ZBTB32: variants seen among roughly 807,000 people sequenced by gnomAD.
The protein encoded by ZBTB32 is zinc finger and BTB domain containing 32.
A neutral mutation model predicts 45.3 loss-of-function variants in ZBTB32; 28 were observed. The observed-to-expected ratio is 0.62, with a 90% CI of 0.46 to 0.85. ZBTB32 has a LOEUF of 0.85. ZBTB32 is among the 40% of genes least tolerant of loss of function. The pLI is 0.00. For missense variants in ZBTB32, 587 were observed against 624.4 expected (o/e 0.94, Z 0.64); for synonymous variants, 283 against 255.7 (o/e 1.11, Z -1.02).
chr19:35,710,135 G>A (rs1267235460), intron 1 of ZBTB32, among the ~76,000 whole-genome samples: 4 of 150,166 alleles, frequency 2.7e-5, no homozygotes, highest in East Asian at 2.0e-4. Flanking sequence ...TGCTTGAACC[G>A]GGAGGCGGAG....
chr19:35,714,731 A>G lies in ZBTB32; in HGVS notation c.105A>G (p.Val35=). ...CACTCTGTGATACTCTGATCACCGT[A>G]GGGAGCCAGGAGTTCCCCGCCCACA... ...RPALCDTLIT[V]GSQEFPAHSL... is the part of the protein sequence containing the mutation. The change falls in exon 3 of 7, where the codon GTA becomes GTG. Residue 35 remains valine (V), a synonymous_variant. Coordinates refer to ENST00000392197, the MANE Select transcript of ZBTB32 (RefSeq NM_014383.3). 1.2e-6 allele frequency: 2 copies of G among 1,614,082 alleles called. No individual in the cohort carries two copies. The highest frequency in any genetic ancestry group is 1.7e-6 in the Non-Finnish European group (2 of 1,180,014).
rs779952828 is a variant in ZBTB32 at position 35,715,274 on chromosome 19, G to A, written c.648G>A (p.Arg216=). 1.9e-6 allele frequency: 3 copies of A among 1,584,648 alleles called. No homozygotes were observed. Among genetic ancestry groups the A allele is most frequent in the Non-Finnish European group, 8.6e-7 (1 of 1,167,316 alleles). ...AGCATGGAGTGCTCACGTGGTTGAG[G>A]GAAAATCCAGGGGGCTCTGAGGAAA... ...DGKHGVLTWL[R]ENPGGSEESL... is the part of the protein sequence containing the mutation. The change falls in exon 3 of 7, where the codon AGG becomes AGA. Residue 216 remains arginine (R), a synonymous_variant. Coordinates refer to ENST00000392197, the MANE Select transcript of ZBTB32 (RefSeq NM_014383.3).
intron 1 of ZBTB32, among the ~76,000 whole-genome samples, chr19:35,708,549 G>A (rs572302181): frequency 1.3e-5 from 2 of 152,334 alleles, no homozygotes; most frequent in African/African-American, 4.8e-5. Context: ...TATGAGTGCT[G>A]AAGAGAAGGG....
Position 35,714,878 on chromosome 19 carries a change from G to C in ZBTB32, c.252G>C (p.Glu84Asp). ...LLNFVYGESV[E>D]LQPGELRPLQ... is the part of the protein sequence containing the mutation. ...ACTTTGTGTATGGGGAGAGTGTAGA[G>C]CTGCAGCCTGGAGAGCTAAGGCCCC... The change falls in exon 3 of 7, where the codon GAG becomes GAC. Residue 84 changes from glutamate to aspartate, a missense_variant. Transcript: ENST00000392197. 1 of 1,589,970 alleles carries C rather than the reference G, an allele frequency of 6.3e-7. No individual in the cohort carries two copies. Among genetic ancestry groups the C allele is most frequent in the Non-Finnish European group, 8.6e-7 (1 of 1,167,028 alleles).
Position 35,714,914 on chromosome 19 carries a change from G to C in ZBTB32, c.288G>C (p.Ala96=), listed in dbSNP as rs755616824. The C allele has an allele frequency of 1.3e-6, 2 of 1,583,100 alleles. No homozygotes were observed. The highest frequency in any genetic ancestry group is 3.6e-5 in the Admixed American group (2 of 55,868). The change falls in exon 3 of 7, where the codon GCG becomes GCC. Residue 96 remains alanine, a synonymous_variant. Coordinates refer to ENST00000392197, the MANE Select transcript of ZBTB32 (RefSeq NM_014383.3). ...QPGELRPLQE[A]ARALGVQSLE... ...GAGAGCTAAGGCCCCTTCAGGAGGCGGCCAGGGCCTTGGGAGTGCAGTCCC... is the reference window on the plus strand; with the variant it reads ...GAGAGCTAAGGCCCCTTCAGGAGGCCGCCAGGGCCTTGGGAGTGCAGTCCC...
Position 35,715,221 on chromosome 19 carries a change from C to T in ZBTB32, c.595C>T (p.Pro199Ser), listed in dbSNP as rs1339540903. 1.2e-6 allele frequency: 2 copies of T among 1,606,052 alleles called. No homozygotes were observed. The highest frequency in any genetic ancestry group is 1.7e-6 in the Non-Finnish European group (2 of 1,177,848). ...GTCAAAGGAGAAACGCCTCCAAGCC[C>T]CTGTTGGCCAAAGGGGAGCAGATGG... ...TRSKEKRLQAPVGQRGADGKH... is the reference protein window; with the variant it reads ...TRSKEKRLQASVGQRGADGKH... The change falls in exon 3 of 7, where the codon CCT becomes TCT. Residue 199 changes from proline (P) to serine (S), a missense_variant. By Grantham distance (74) the Pro-to-Ser change is moderately conservative. Transcript: ENST00000392197.
chr19:35,711,470 C>T (rs1344606403), intron 1 of ZBTB32, among the ~76,000 whole-genome samples: 4 of 152,304 alleles, frequency 2.6e-5, no homozygotes, highest in Non-Finnish European at 2.9e-5. Flanking sequence ...ACAGCTCTCA[C>T]ATTTGCATTT....
At chr19:35,715,691 C>T in intron 3 of ZBTB32, 66 bp from the exon 4 acceptor site, 1 of 1,530,488 alleles carries the variant, frequency 6.5e-7, no homozygotes, top group Non-Finnish European at 8.8e-7. Context: ...GGGATACCCC[C>T]TCTTCACGAA....
At chr19:35,706,390 G>A (rs1453629581) in intron 1 of ZBTB32, among the ~76,000 whole-genome samples, 2 of 150,700 alleles carry the variant, frequency 1.3e-5, no homozygotes, top group South Asian at 2.1e-4. Context: ...GTGGAGCACA[G>A]GAAGAGGTGT....
chr19:35,711,349 T>C (rs922754702), intron 1 of ZBTB32, among the ~76,000 whole-genome samples: 1 of 152,194 alleles, frequency 6.6e-6, no homozygotes. Context: ...TCTGCGTACA[T>C]ACATATCAGA....
intron 1 of ZBTB32, among the ~76,000 whole-genome samples, 165 bp downstream of exon 1, chr19:35,704,788 C>T (rs1457492514): frequency 5.9e-5 from 9 of 152,246 alleles, no homozygotes; most frequent in Non-Finnish European, 1.0e-4. Context: ...GGAAATGCAG[C>T]CTCCTGGCCA....
rs2234374 is a variant in ZBTB32 at position 35,716,200 on chromosome 19, G to A, written c.1092G>A (p.Pro364=). The change falls in exon 6 of 7, where the codon CCG becomes CCA. Residue 364 remains proline (P), a synonymous_variant. Coordinates refer to ENST00000392197, the MANE Select transcript of ZBTB32 (RefSeq NM_014383.3). ...GCCCACCTCGCCCGCACCCTCCCCCGGCCCCTCCTGCTCGGTCTCGGCCCT... is the reference window on the plus strand; with the variant it reads ...GCCCACCTCGCCCGCACCCTCCCCCAGCCCCTCCTGCTCGGTCTCGGCCCT... ...AGCPPRPHPP[P]APPARSRPYA... 8,589 of 1,613,646 alleles carry A rather than the reference G, an allele frequency of 5.3e-3. 31 individuals carry two copies. The highest frequency in any genetic ancestry group is 6.5e-3 in the Non-Finnish European group (7,649 of 1,179,872).
At chr19:35,712,156 G>C (rs190126513) in intron 1 of ZBTB32, among the ~76,000 whole-genome samples, 290 of 151,852 alleles carry the variant, frequency 1.9e-3, no homozygotes, top group South Asian at 3.9e-3. Context: ...ATATACGCCA[G>C]GCACATATCA....
chr19:35,705,511 G>C (rs939557999), intron 1 of ZBTB32, among the ~76,000 whole-genome samples: 1 of 152,158 alleles, frequency 6.6e-6, no homozygotes, highest in African/African-American at 2.4e-5. Context: ...GTGGCCAAGA[G>C]GTTAGGCCAG....
intron 6 of ZBTB32, 30 bp downstream of exon 6, chr19:35,716,327 C>G: frequency 6.2e-7 from 1 of 1,611,850 alleles, no homozygotes; most frequent in East Asian, 2.2e-5. Context: ...TGTGAACTGT[C>G]GGCTTTCTTC....
chr19:35,710,692 G>A (rs984006956), intron 1 of ZBTB32, among the ~76,000 whole-genome samples: 18 of 152,158 alleles, frequency 1.2e-4, no homozygotes, highest in Admixed American at 6.5e-5. Context: ...GGCAGAGGTT[G>A]CAGTGAGCCG....
rs761059104 is a variant in ZBTB32 at position 35,715,182 on chromosome 19, C to T, written c.556C>T (p.Gln186Ter). The change falls in exon 3 of 7, where the codon CAG becomes TAG. Residue 186 changes from glutamine (Q) to a stop codon, truncating the protein, a stop_gained. Coordinates refer to ENST00000392197, the MANE Select transcript of ZBTB32 (RefSeq NM_014383.3). LOFTEE classifies it high-confidence loss of function. ...GGCAGGAGCAACGCAGGAGGCTCAG[C>T]AGGAACAGACCAGGTCAAAGGAGAA... Reference protein sequence around the residue: ...EMAGATQEAQQEQTRSKEKRL... With the variant: ...EMAGATQEAQ 6.2e-7 allele frequency: 1 copy of T among 1,613,120 alleles called. No homozygotes were observed. The highest frequency in any genetic ancestry group is 8.5e-7 in the Non-Finnish European group (1 of 1,179,868).
intron 1 of ZBTB32, among the ~76,000 whole-genome samples, chr19:35,706,010 C>T (rs1968531402): frequency 6.6e-6 from 1 of 151,632 alleles, no homozygotes; most frequent in South Asian, 2.1e-4. Context: ...GGGCGGATTA[C>T]CTGAGGTCAG....
intron 6 of ZBTB32, 81 bp downstream of exon 6, chr19:35,716,378 C>T (rs765417152): frequency 1.2e-5 from 19 of 1,593,250 alleles, no homozygotes; most frequent in Non-Finnish European, 1.5e-5. Flanking sequence ...GCCCGGTTCC[C>T]GCGCAATCCC....
Sources: gnomAD v4.1 joint callset for allele counts (sites outside exome capture counted in the v4.1 genomes callset) on GRCh38, gnomAD v4.1.1 for gene constraint, MANE v1.5 for transcripts, NCBI Gene and HGNC (gene_info 2026-07-23, HGNC 2026-07-21) for gene names.